PSD3: variants seen among roughly 807,000 people sequenced by gnomAD.
PSD3 encodes the protein pleckstrin and Sec7 domain containing 3.
A neutral mutation model predicts 105.5 loss-of-function variants in PSD3; 49 were observed. That is an observed-to-expected ratio of 0.46 (90% CI 0.37 to 0.59). The LOEUF is 0.59. Ranked by LOEUF, PSD3 falls within the 20% of genes least tolerant of loss-of-function variation. The pLI is 0.00. For synonymous variants in PSD3, 557 were observed against 457.8 expected, an observed-to-expected ratio of 1.22 and a Z score of -2.77; for missense variants, 1,561 against 1,263.8, an observed-to-expected ratio of 1.24 and a Z score of -3.57.
chr8:18,828,335 G>C (rs547482755), intron 4 of PSD3, among the ~76,000 whole-genome samples: 32 of 152,022 alleles, frequency 2.1e-4, no homozygotes, highest in Admixed American at 1.8e-3. Flanking sequence ...TGAAGGCTTT[G>C]TTGTACCTCC....
intron 10 of PSD3, among the ~76,000 whole-genome samples, chr8:18,638,435 T>A (rs369462415): frequency 6.6e-6 from 1 of 151,920 alleles, no homozygotes; most frequent in African/African-American, 2.4e-5. Context: ...CTAAAGTCAG[T>A]AAAGTTTTAG....
intron 11 of PSD3, among the ~76,000 whole-genome samples, chr8:18,610,157 GA>G (rs1302039335): frequency 6.6e-6 from 1 of 152,098 alleles, no homozygotes; most frequent in Admixed American, 6.5e-5. Flanking sequence ...TTTTATAAAG[GA>G]AAAAAGTAGG....
chr8:18,770,194 G>GT (rs1480719993), intron 8 of PSD3, among the ~76,000 whole-genome samples: 3 of 152,008 alleles, frequency 2.0e-5, no homozygotes, highest in Admixed American at 1.3e-4. Flanking sequence ...GTATGCTATG[G>GT]TTTTGATTTG....
chr8:18,928,875 TCTCACTATGTTG>T (rs1469707496), intron 2 of PSD3, among the ~76,000 whole-genome samples: 1 of 151,882 alleles, frequency 6.6e-6, no homozygotes, highest in East Asian at 1.9e-4. Flanking sequence ...CAAGACAAGG[TCTCACTATGTTG>T]CCCAGACTGG....
chr8:19,020,445 C>G (rs771318577), intron 1 of PSD3, among the ~76,000 whole-genome samples: 14 of 151,996 alleles, frequency 9.2e-5, no homozygotes, highest in South Asian at 4.2e-4. Flanking sequence ...GTTTTGAGCA[C>G]AGCAAGGGGT....
intron 1 of PSD3, among the ~76,000 whole-genome samples, chr8:18,969,099 C>T (rs1219208114): frequency 1.3e-5 from 2 of 152,014 alleles, no homozygotes; most frequent in Non-Finnish European, 2.9e-5. Context: ...CTTTAAATTA[C>T]AACATAAAAC....
chr8:18,642,546 G>C (rs1272163504), intron 10 of PSD3, among the ~76,000 whole-genome samples: 1 of 151,998 alleles, frequency 6.6e-6, no homozygotes, highest in Non-Finnish European at 1.5e-5. Flanking sequence ...TAAGAAAAAT[G>C]CTTTCTTTAC....
chr8:18,859,810 G>A (rs1211387034), intron 4 of PSD3, among the ~76,000 whole-genome samples: 1 of 152,210 alleles, frequency 6.6e-6, no homozygotes, highest in Non-Finnish European at 1.5e-5. Context: ...TTCGGCTTAA[G>A]GAAACGTTGT....
At position 18,528,165 on chromosome 8, in the gene PSD3, T is replaced by C. The variant is rs1799499009; in HGVS notation, c.*7578A>G. ...ACATTTAGAAATGGGTTCCTAAAGC[T>C]TGAGATATAAGAGACTGCAGGGAGG... is the stretch of plus-strand genomic sequence containing the variant. On this transcript the variant is annotated 3_prime_UTR_variant, in exon 16 of 16. Transcript: ENST00000327040. 1 of 151,942 alleles carries C rather than the reference T, an allele frequency of 6.6e-6. No individual in the cohort carries two copies. The highest frequency in any genetic ancestry group is 2.4e-5 in the African/African-American group (1 of 41,218). The allele number at this position is 151,942 out of a possible 1,614,324, so 9.4% of individuals were successfully genotyped here. A position where few individuals can be genotyped will look rare whatever the true frequency, so the allele number is the denominator to read the frequency against.
At chr8:19,072,888 C>A (rs552976540) in intron 1 of PSD3, among the ~76,000 whole-genome samples, 2 of 152,278 alleles carry the variant, frequency 1.3e-5, no homozygotes, top group Admixed American at 6.5e-5. Context: ...CTCAAGTGAA[C>A]GTGAAAATGC....
Position 18,872,209 on chromosome 8 carries a change from C to T in PSD3, c.655G>A (p.Ala219Thr), listed in dbSNP as rs748714551. 55 of 1,614,174 alleles carry T rather than the reference C, an allele frequency of 3.4e-5. No homozygotes were observed. In the South Asian group the frequency reaches 3.6e-4, roughly 11 times the overall value. ...FYLSIQKDLTALLTGDTQAEI... is the reference protein window; with the variant it reads ...FYLSIQKDLTTLLTGDTQAEI... ...GCCTGAGTGTCTCCAGTTAACAGCG[C>T]GGTGAGATCTTTCTGGATGCTCAAA... The change falls in exon 3 of 16, where the codon GCG (alanine) becomes ACG (threonine). Residue 219 changes from alanine (A) to threonine (T), a missense_variant. Coordinates refer to ENST00000327040, the MANE Select transcript of PSD3 (RefSeq NM_015310.4).
intron 4 of PSD3, among the ~76,000 whole-genome samples, chr8:18,806,608 C>T (rs983062816): frequency 6.6e-6 from 1 of 152,176 alleles, no homozygotes; most frequent in Non-Finnish European, 1.5e-5. Context: ...TAATAAATAT[C>T]GTAGGCGTGC....
chr8:18,861,946 G>A (rs1197164287), intron 4 of PSD3, among the ~76,000 whole-genome samples: 2 of 151,970 alleles, frequency 1.3e-5, no homozygotes, highest in South Asian at 2.1e-4. Context: ...AACCCTCCAG[G>A]TTTATTCCAC....
At chr8:19,032,867 C>A (rs908235686) in intron 1 of PSD3, among the ~76,000 whole-genome samples, 1 of 152,044 alleles carries the variant, frequency 6.6e-6, no homozygotes, top group African/African-American at 2.4e-5. Context: ...TGTTAAATAA[C>A]TTCTGAAAGT....
At chr8:18,889,102 T>G (rs1377907748) in intron 2 of PSD3, among the ~76,000 whole-genome samples, 1 of 152,170 alleles carries the variant, frequency 6.6e-6, no homozygotes, top group Non-Finnish European at 1.5e-5. Context: ...AGTTAACACT[T>G]ACTTTGACTA....
chr8:19,084,604 AATGCCTGT>A (rs1484666168), exon 1 of PSD3: 3 of 354,198 alleles, frequency 8.5e-6, no homozygotes, highest in Non-Finnish European at 1.7e-5. Context: ...GGGGCCTGGC[AATGCCTGT>A]GATGTGGGGA....
chr8:18,900,705 C>T (rs1563399680), intron 2 of PSD3, among the ~76,000 whole-genome samples: 1 of 136,420 alleles, frequency 7.3e-6, no homozygotes, highest in Admixed American at 8.3e-5. Context: ...AGCTGGAATG[C>T]AGTGACACAA....
chr8:19,040,183 C>G (rs1272725756), intron 1 of PSD3, among the ~76,000 whole-genome samples: 3 of 152,224 alleles, frequency 2.0e-5, no homozygotes, highest in Non-Finnish European at 4.4e-5. Context: ...CATGGTAAGG[C>G]TTTTGCAGTT....
chr8:19,026,701 CAAAA>C (rs10669321), intron 1 of PSD3, among the ~76,000 whole-genome samples: 3 of 82,246 alleles, frequency 3.6e-5, no homozygotes, highest in African/African-American at 8.5e-5. Flanking sequence ...CACATCTCTA[CAAAA>C]AAAAAAAAAA....
Sources: allele counts gnomAD v4.1 joint callset (sites outside exome capture counted in the v4.1 genomes callset), GRCh38; gene constraint gnomAD v4.1.1; transcripts MANE v1.5; gene names NCBI Gene and HGNC (gene_info 2026-07-23, HGNC 2026-07-21).